Variants in MAGI3 observed in about 807,000 individuals in gnomAD.
MAGI3 encodes the protein membrane-associated guanylate kinase, WW and PDZ domain-containing protein 3.
In MAGI3, 43 loss-of-function variants were observed where a neutral mutation model predicts 121.8. The ratio of observed to expected loss-of-function variants is 0.35; its 90% CI spans 0.28 to 0.46. The LOEUF (loss-of-function observed/expected upper bound fraction) is 0.46. Among genes scored for constraint, MAGI3 ranks in the 20% least tolerant of loss-of-function variants. The pLI is 1.00. For synonymous variants in MAGI3, 553 were observed against 639.3 expected (o/e 0.86, Z 2.04); for missense variants, 1,547 against 1,797.3 (o/e 0.86, Z 2.52).
At chr1:113,636,629 A>G (rs1203516595) in intron 9 of MAGI3, among the ~76,000 whole-genome samples, 61 of 146,868 alleles carry the variant, frequency 4.2e-4, no homozygotes, top group South Asian at 8.7e-4. Context: ...ACATTTGCTG[A>G]GGAGAGCTTT....
intron 1 of MAGI3, among the ~76,000 whole-genome samples, chr1:113,525,812 G>C (rs1457688713): frequency 6.6e-6 from 1 of 152,000 alleles, no homozygotes; most frequent in Non-Finnish European, 1.5e-5. Context: ...GACCATCCTG[G>C]CCAACATGGT....
intron 4 of MAGI3, among the ~76,000 whole-genome samples, chr1:113,588,612 A>G (rs1487167108): frequency 6.6e-6 from 1 of 152,176 alleles, no homozygotes; most frequent in Non-Finnish European, 1.5e-5. Flanking sequence ...CATGGGCAAA[A>G]TACCCTAACT....
At chr1:113,592,341 A>G (rs1267707066) in intron 5 of MAGI3, among the ~76,000 whole-genome samples, 1 of 152,132 alleles carries the variant, frequency 6.6e-6, no homozygotes, top group South Asian at 2.1e-4. Context: ...TTTAGTTCTT[A>G]TGTTTTGGGA....
rs569311310 is a variant in MAGI3, at chr1:113,430,108, T to A, written c.316+38759T>A. Among the ~76,000 whole-genome samples the A allele has an allele frequency of 8.5e-5, 13 of 152,240 alleles. No individual in the cohort carries two copies. The South Asian group carries it at 2.3e-3, about 27-fold the overall frequency. On this transcript the variant is annotated intron_variant, in intron 1 of 20. Transcript: ENST00000307546. ...CACAAATGCAAACCACAGGGTAGGA[T>A]TTTAACATATAATATAGAAGTAAGG...
chr1:113,559,351 G>A (rs982245281), intron 2 of MAGI3, among the ~76,000 whole-genome samples: 24 of 152,268 alleles, frequency 1.6e-4, no homozygotes, highest in African/African-American at 5.5e-4. Context: ...ATAAAGGGAT[G>A]GAGGAAAATT....
intron 6 of MAGI3, among the ~76,000 whole-genome samples, chr1:113,598,125 T>C (rs1442681867): frequency 6.6e-6 from 1 of 151,996 alleles, no homozygotes; most frequent in Non-Finnish European, 1.5e-5. Flanking sequence ...GGCAGGAGAA[T>C]TGCTTAAACC....
At chr1:113,623,569 A>G (rs1355196108) in intron 9 of MAGI3, among the ~76,000 whole-genome samples, 1 of 150,652 alleles carries the variant, frequency 6.6e-6, no homozygotes, top group Non-Finnish European at 1.5e-5. Context: ...CTCACTGCAA[A>G]CTCCGTCTCC....
intron 8 of MAGI3, among the ~76,000 whole-genome samples, 173 bp from the exon 9 acceptor site, chr1:113,622,633 G>A (rs894333719): frequency 6.6e-6 from 1 of 152,098 alleles, no homozygotes; most frequent in Non-Finnish European, 1.5e-5. Context: ...GCTAAAGGTT[G>A]TATCATTTTG....
Position 113,651,123 on chromosome 1 carries a change from A to G in MAGI3, c.2357A>G (p.His786Arg). Residue 786 changes from histidine (H) to arginine (R), a missense_variant, in exon 14 of 21, where the codon CAC becomes CGC. Transcript: ENST00000307546. ...GGAATTCCTGTTAAAGGGAAATCAC[A>G]CAAACAAGTCTTGGACCTCATGACA... ...IDGIPVKGKS[H>R]KQVLDLMTTA... The G allele has an allele frequency of 1.2e-6, 2 of 1,614,200 alleles. No homozygotes were observed. Among genetic ancestry groups the G allele is most frequent in the Non-Finnish European group, 1.7e-6 (2 of 1,180,034 alleles).
chr1:113,580,829 A>G (rs1352853914), intron 3 of MAGI3, 168 bp downstream of exon 3: 1 of 478,846 alleles, frequency 2.1e-6, no homozygotes, highest in Non-Finnish European at 3.5e-6. Context: ...ATTAATTAAA[A>G]TGGGATTAAA....
chr1:113,617,115 C>T (rs1650523228), intron 7 of MAGI3, among the ~76,000 whole-genome samples: 1 of 152,088 alleles, frequency 6.6e-6, no homozygotes, highest in East Asian at 1.9e-4. Flanking sequence ...TCTTAAACTC[C>T]TGACCTCAAG....
At chr1:113,666,029 A>G (rs968432456) in intron 16 of MAGI3, among the ~76,000 whole-genome samples, 1 of 152,164 alleles carries the variant, frequency 6.6e-6, no homozygotes, top group Non-Finnish European at 1.5e-5. Context: ...TTAAAAAACA[A>G]TATACATACC....
chr1:113,547,066 G>C (rs946575108), intron 1 of MAGI3, among the ~76,000 whole-genome samples: 1 of 144,844 alleles, frequency 6.9e-6, no homozygotes, highest in Admixed American at 7.2e-5. Flanking sequence ...CTGGGCGACA[G>C]AGTGAGACTC....
chr1:113,682,776 A>G, intron 20 of MAGI3, 121 bp from the exon 21 acceptor site: 1 of 1,442,544 alleles, frequency 6.9e-7, no homozygotes, highest in Non-Finnish European at 9.1e-7. Flanking sequence ...TACAAACTGT[A>G]TAAAATACTC....
intron 6 of MAGI3, among the ~76,000 whole-genome samples, chr1:113,607,966 G>C (rs909541112): frequency 6.6e-6 from 1 of 152,116 alleles, no homozygotes; most frequent in African/African-American, 2.4e-5. Context: ...CTTGTTTCCT[G>C]TGTCTACCTG....
chr1:113,653,774 A>G, intron 14 of MAGI3, 56 bp from the exon 15 acceptor site: 1 of 1,408,306 alleles, frequency 7.1e-7, no homozygotes, highest in East Asian at 2.5e-5. Context: ...AAAACACTTT[A>G]GTCACCAGAA....
intron 1 of MAGI3, among the ~76,000 whole-genome samples, chr1:113,493,603 G>A (rs1366708449): frequency 6.6e-6 from 1 of 152,090 alleles, no homozygotes; most frequent in Non-Finnish European, 1.5e-5. Context: ...CCTACAGAGT[G>A]GCAGAAAATA....
chr1:113,391,675 C>G lies in MAGI3; in HGVS notation c.316+326C>G, dbSNP rs1650829852. On this transcript the variant is annotated intron_variant, in intron 1 of 20. Coordinates refer to ENST00000307546, the MANE Select transcript of MAGI3 (RefSeq NM_001142782.2). This position sits in a 1 kb window ranked among gnomAD's most constrained non-coding sequence, Gnocchi z 4.4. ...TTGACTAGAGAAGGCCAGCCTTTTCCTGTGTTGTGCAAAAAGGCCCTTAGG... is the reference window on the plus strand; with the variant it reads ...TTGACTAGAGAAGGCCAGCCTTTTCGTGTGTTGTGCAAAAAGGCCCTTAGG... Among the ~76,000 whole-genome samples, 1 of 152,256 alleles carries G rather than the reference C, an allele frequency of 6.6e-6. No homozygotes were observed.
intron 1 of MAGI3, among the ~76,000 whole-genome samples, chr1:113,440,502 G>A (rs1653858228): frequency 6.6e-6 from 1 of 152,158 alleles, no homozygotes; most frequent in African/African-American, 2.4e-5. Flanking sequence ...ACCCTTTCCA[G>A]ATGTTTCCTT....
Sources: gnomAD v4.1 joint callset for allele counts (sites outside exome capture counted in the v4.1 genomes callset) on GRCh38, gnomAD v4.1.1 for gene constraint, Gnocchi (gnomAD v3.1) non-coding constraint, MANE v1.5 for transcripts, NCBI Gene and HGNC (gene_info 2026-07-23, HGNC 2026-07-21) for gene names.